Variants in SPTBN5 observed in about 807,000 individuals in gnomAD.
SPTBN5 encodes spectrin beta chain, non-erythrocytic 5.
In SPTBN5, 513 loss-of-function variants were observed where a neutral mutation model predicts 477.6. The ratio of observed to expected loss-of-function variants is 1.07; its 90% CI spans 1.00 to 1.16. The LOEUF is 1.16. Among genes scored for constraint, SPTBN5 ranks in the 50% most tolerant of loss-of-function variants. SPTBN5 has a pLI of 0.00. For synonymous variants in SPTBN5, 2,169 were observed against 2,011.7 expected (o/e 1.08, Z -2.09); for missense variants, 5,062 against 4,731.8 (o/e 1.07, Z -2.05).
rs1489092867 is a variant in SPTBN5, at chr15:41,863,765, G to T, written c.7088C>A (p.Ala2363Asp). The change falls in exon 41 of 68, where the codon GCC becomes GAC. Residue 2363 changes from alanine (A) to aspartate (D), a missense_variant. Physicochemically the swap from Ala to Asp is moderately radical, Grantham distance 126. Transcript: ENST00000320955. The stretch of plus-strand genomic sequence containing the variant: ...TCGGGACAACACGTGTATCTCCAAG[G>T]CCCCTTCGAGCTGCTGCTGGTACCG... ...LLRYQQQLEG[A>D]LEIHVLSREL... 1.2e-6 allele frequency: 2 copies of T among 1,613,772 alleles called. No homozygotes were observed. The highest frequency in any genetic ancestry group is 1.1e-5 in the South Asian group (1 of 91,080).
In SPTBN5 at chr15:41,871,450, C is replaced by T. The variant is rs552422516; in HGVS notation, c.5372G>A (p.Arg1791Gln). 1.8e-4 allele frequency: 274 copies of T among 1,540,728 alleles called. 1 individual carries two copies. Among genetic ancestry groups the T allele is most frequent in the South Asian group, 1.6e-3 (132 of 82,488 alleles). ...CTCTAGCAGGCTCTCCGCCAGCAGC[C>T]GGCAGGCGGCCACCCGCTGGCTGCC... The part of the protein sequence containing the change: ...EMGSQRVAAC[R>Q]LLAESLLERG... Residue 1791 changes from arginine to glutamine, a missense_variant, in exon 29 of 68, where the codon CGG (arginine) becomes CAG (glutamine). Physicochemically the swap from Arg to Gln is conservative, Grantham distance 43 (BLOSUM62 1). Coordinates refer to ENST00000320955, the MANE Select transcript of SPTBN5 (RefSeq NM_016642.4).
At chr15:41,856,809 C>T (rs745690521) in intron 52 of SPTBN5, 44 bp downstream of exon 52, 14 of 1,511,902 alleles carry the variant, frequency 9.3e-6, no homozygotes, top group South Asian at 2.4e-5. Flanking sequence ...GGCTGAGAAG[C>T]CCTGCTCATG....
At chr15:41,888,534 C>T (rs2067221882) in intron 4 of SPTBN5, among the ~76,000 whole-genome samples, 1 of 152,222 alleles carries the variant, frequency 6.6e-6, no homozygotes, top group African/African-American at 2.4e-5. Context: ...GATCTCGGCT[C>T]ATTGCAACCT....
rs1240830003 is a variant in SPTBN5 at position 41,881,131 on chromosome 15, A to G, written c.2561T>C (p.Leu854Pro). ...AAAGTCAGGGTCAGGCTCAGCTGGG[A>G]GGGCCATCTTCCAGGCATCCCCAGG... ...PGPGDAWKMA[L>P]PAEPDPDFDP... Residue 854 changes from leucine to proline, a missense_variant, in exon 13 of 68, where the codon CTC becomes CCC. Leu to Pro is a moderately conservative substitution (Grantham distance 98, BLOSUM62 -3). Transcript: ENST00000320955. The G allele has an allele frequency of 6.2e-7, 1 of 1,613,676 alleles. No homozygotes were observed. Among genetic ancestry groups the G allele is most frequent in the South Asian group, 1.1e-5 (1 of 91,062 alleles).
In SPTBN5 at chr15:41,877,148, G is replaced by C; in HGVS notation, c.3679C>G (p.His1227Asp). The change falls in exon 18 of 68, where the codon CAC (histidine) becomes GAC (aspartate). Residue 1227 changes from histidine (H) to aspartate (D), a missense_variant. Coordinates refer to ENST00000320955, the MANE Select transcript of SPTBN5 (RefSeq NM_016642.4). Reference sequence around the variant, plus strand: ...TTGTCCAGGTGCAGCCAGGCCTGGTGGTTGGCACAGGTGGCAGTGAAACCA... The same window carrying C: ...TTGTCCAGGTGCAGCCAGGCCTGGTCGTTGGCACAGGTGGCAGTGAAACCA... ...VDGFTATCAN[H>D]QAWLHLDNLG... 6.2e-7 allele frequency: 1 copy of C among 1,613,950 alleles called. No individual in the cohort carries two copies. Among genetic ancestry groups the C allele is most frequent in the Non-Finnish European group, 8.5e-7 (1 of 1,179,876 alleles).
chr15:41,854,864 C>T lies in SPTBN5; in HGVS notation c.9536G>A (p.Arg3179His), dbSNP rs778215070. The T allele has an allele frequency of 4.2e-5, 68 of 1,609,394 alleles. No homozygotes were observed. Among genetic ancestry groups the T allele is most frequent in the South Asian group, 1.7e-4 (15 of 90,622 alleles). Reference protein sequence around the residue: ...AGTLERGAPRRYPHIQAQRSR... With the variant: ...AGTLERGAPRHYPHIQAQRSR... ...CCTCTGGGCTTGGATGTGGGGATAG[C>T]GCCTGGGTGCACCCCGCTCCAGGGT... Residue 3179 changes from arginine to histidine, a missense_variant, in exon 56 of 68, where the codon CGC becomes CAC. Coordinates refer to ENST00000320955, the MANE Select transcript of SPTBN5 (RefSeq NM_016642.4).
Position 41,882,657 on chromosome 15 carries a change from G to A in SPTBN5, c.1974C>T (p.Cys658=), listed in dbSNP as rs374098719. ...CEEEEAWLKE[C]GQRVGNAALG... ...GGGCCGCATTCCCCACCCGCTGTCC[G>A]CACTCCTTCAGCCAGGCTTCCTCCT... Residue 658 remains cysteine (C), a synonymous_variant, in exon 10 of 68, where the codon TGC becomes TGT. Coordinates refer to ENST00000320955, the MANE Select transcript of SPTBN5 (RefSeq NM_016642.4). 4.7e-5 allele frequency: 75 copies of A among 1,607,232 alleles called. No homozygotes were observed. The highest frequency in any genetic ancestry group is 6.2e-5 in the Non-Finnish European group (73 of 1,177,470).
rs1464150550 is a variant in SPTBN5, at chr15:41,882,609, G to A, written c.2022C>T (p.Ile674=). ...NAALGRDLSQ[I]AGALQKHKAL... is the part of the protein sequence containing the mutation. ...CCTTGTGTTTCTGCAGGGCGCCTGC[G>A]ATCTGGCTGAGATCCCGGCCCAGGG... Residue 674 remains isoleucine (I), a synonymous_variant, in exon 10 of 68, where the codon ATC becomes ATT. Coordinates refer to ENST00000320955, the MANE Select transcript of SPTBN5 (RefSeq NM_016642.4). The A allele has an allele frequency of 3.7e-6, 6 of 1,604,698 alleles. No individual in the cohort carries two copies. The highest frequency in any genetic ancestry group is 1.3e-5 in the African/African-American group (1 of 74,834).
intron 64 of SPTBN5, 43 bp downstream of exon 64, chr15:41,851,240 C>G: frequency 5.1e-6 from 8 of 1,556,128 alleles, no homozygotes; most frequent in African/African-American, 1.4e-5. Context: ...TGCCTTGCTT[C>G]CCAGCACCCT....
chr15:41,870,358 G>C lies in SPTBN5; in HGVS notation c.5563-5C>G. On this transcript the variant is annotated splice_polypyrimidine_tract_variant and splice_region_variant and intron_variant, in intron 30 of 67. Coordinates refer to ENST00000320955, the MANE Select transcript of SPTBN5 (RefSeq NM_016642.4). ...GGGGAGGCTCGTGGCTTTCTCCTGA[G>C]GAAGGGAGAATGCCGAGGAGATGAG... 6.3e-7 allele frequency: 1 copy of C among 1,582,670 alleles called. No individual in the cohort carries two copies. The highest frequency in any genetic ancestry group is 8.6e-7 in the Non-Finnish European group (1 of 1,164,618).
chr15:41,877,652 A>C (rs2066790074), intron 17 of SPTBN5, among the ~76,000 whole-genome samples: 1 of 152,044 alleles, frequency 6.6e-6, no homozygotes, highest in African/African-American at 2.4e-5. Context: ...GGCCACTGCA[A>C]GCCCCCATGG....
rs2066627898 is a variant in SPTBN5, at chr15:41,873,922, C to A, written c.4813G>T (p.Glu1605Ter). Reference protein sequence around the residue: ...QHIVEQCQELEGHWAELERAC... With the variant: ...QHIVEQCQEL Reference sequence around the variant, plus strand: ...CTCTCCAGCTCTGCCCAGTGGCCTTCCAGCTCCTGGCACTGCTCCACGATG... The same window carrying A: ...CTCTCCAGCTCTGCCCAGTGGCCTTACAGCTCCTGGCACTGCTCCACGATG... The change falls in exon 25 of 68, where the codon GAA becomes TAA. Residue 1605 changes from glutamate (E) to a stop codon, truncating the protein, a stop_gained. Transcript: ENST00000320955. LOFTEE classifies it high-confidence loss of function. 1 of 1,610,958 alleles carries A rather than the reference C, an allele frequency of 6.2e-7. No homozygotes were observed. The highest frequency in any genetic ancestry group is 1.3e-5 in the African/African-American group (1 of 74,940).
chr15:41,851,461 C>G, intron 63 of SPTBN5, 92 bp from the exon 64 acceptor site: 1 of 970,524 alleles, frequency 1.0e-6, no homozygotes, highest in Non-Finnish European at 1.5e-6. Flanking sequence ...TGGAGCTTCC[C>G]AGGAAAAGCG....
Position 41,892,786 on chromosome 15 carries a change from C to T in SPTBN5, c.384+108G>A. 2.3e-6 allele frequency: 3 copies of T among 1,299,372 alleles called. No homozygotes were observed. The South Asian group carries it at 4.5e-5, about 20-fold the overall frequency. The allele number at this position is 1,299,372 out of a possible 1,614,324, so 80.5% of individuals were successfully genotyped here. On this transcript the variant is annotated intron_variant, in intron 3 of 67. Coordinates refer to ENST00000320955, the MANE Select transcript of SPTBN5 (RefSeq NM_016642.4). ...CACTCCTCCTGTACTCAGGCCCCAG[C>T]TCCTCTGTTCTGCCCAGTGGCCTGG...
intron 47 of SPTBN5, 87 bp downstream of exon 47, chr15:41,860,499 A>G (rs1313998237): frequency 9.3e-6 from 12 of 1,289,904 alleles, no homozygotes; most frequent in Non-Finnish European, 1.1e-5. Context: ...TGGGCCAAGT[A>G]GTGGAAGGGT....
Position 41,855,445 on chromosome 15 carries a change from A to G in SPTBN5, c.9219-17T>C, listed in dbSNP as rs757035469. ...ACCTTGGGGCTGTGGGAAGAGAGCG[A>G]CAGTCTGGACTGCAGCCCTGCCTTT... On this transcript the variant is annotated splice_polypyrimidine_tract_variant and intron_variant, in intron 54 of 67. Coordinates refer to ENST00000320955, the MANE Select transcript of SPTBN5 (RefSeq NM_016642.4). 3.1e-6 allele frequency: 5 copies of G among 1,595,980 alleles called. No individual in the cohort carries two copies. The highest frequency in any genetic ancestry group is 1.7e-4 in the Middle Eastern group (1 of 6,010).
rs779293122 is a variant in SPTBN5, at chr15:41,887,359, C to T, written c.742G>A (p.Glu248Lys). The stretch of plus-strand genomic sequence containing the variant: ...TCCAGCAGCTGAGCAATGCCCAGCT[C>T]CTGCTCAGCCACCAGGAAAGCAAAA... Reference protein sequence around the residue: ...LAFAFLVAEQELGIAQLLDPE... With the variant: ...LAFAFLVAEQKLGIAQLLDPE... The change falls in exon 6 of 68, where the codon GAG becomes AAG. Residue 248 changes from glutamate to lysine, a missense_variant. Coordinates refer to ENST00000320955, the MANE Select transcript of SPTBN5 (RefSeq NM_016642.4). 3 of 1,552,838 alleles carry T rather than the reference C, an allele frequency of 1.9e-6. No individual in the cohort carries two copies. Among genetic ancestry groups the T allele is most frequent in the Non-Finnish European group, 1.7e-6 (2 of 1,147,964 alleles).
chr15:41,869,793 GCA>G (rs1205021566), intron 32 of SPTBN5, 46 bp downstream of exon 32: 1 of 1,474,694 alleles, frequency 6.8e-7, no homozygotes, highest in Non-Finnish European at 8.9e-7. Context: ...GCATGGTGCA[GCA>G]CACACACATG....
In SPTBN5 at chr15:41,888,162, C is replaced by T. The variant is rs972176422; in HGVS notation, c.502-77G>A. The T allele has an allele frequency of 2.7e-5, 39 of 1,434,090 alleles. No homozygotes were observed. In the African/African-American group the frequency reaches 4.7e-4, roughly 17 times the overall value. 88.8% of individuals were successfully genotyped at this position (1,434,090 alleles called of 1,614,324 possible). A position where few individuals can be genotyped will look rare whatever the true frequency, so the allele number is the denominator to read the frequency against. On this transcript the variant is annotated intron_variant, in intron 4 of 67. Transcript: ENST00000320955. ...GAGAGCCTGCAGGCTGTGGGAGAGGCAGGCTGGCCACAGCAGGATCCTGCT... is the reference window on the plus strand; with the variant it reads ...GAGAGCCTGCAGGCTGTGGGAGAGGTAGGCTGGCCACAGCAGGATCCTGCT...
Sources: allele counts gnomAD v4.1 joint callset (sites outside exome capture counted in the v4.1 genomes callset), GRCh38; gene constraint gnomAD v4.1.1; transcripts MANE v1.5; gene names NCBI Gene and HGNC (gene_info 2026-07-23, HGNC 2026-07-21).